Variants in EMC3 observed in about 807,000 individuals in gnomAD.
EMC3 encodes 30 kDa protein.
Under a neutral mutation model 36.6 loss-of-function variants are expected in EMC3, and 13 were observed. The observed-to-expected ratio is 0.35, with a 90% CI of 0.23 to 0.56. The LOEUF (loss-of-function observed/expected upper bound fraction) is 0.56, where lower values mean the gene tolerates loss of function less well. EMC3 is among the 20% of genes least tolerant of loss of function. The pLI, the probability that EMC3 is intolerant of heterozygous loss-of-function variation, is 0.84. For synonymous variants in EMC3, 120 were observed against 111.9 expected, an observed-to-expected ratio of 1.07 and a Z score of -0.46; for missense variants, 220 against 324.5, an observed-to-expected ratio of 0.68 and a Z score of 2.47.
intron 1 of EMC3, 93 bp from the exon 2 acceptor site, chr3:9,977,539 G>A: frequency 8.8e-7 from 1 of 1,132,672 alleles, no homozygotes. Flanking sequence ...AAACACAAGA[G>A]AGGGCCTATT....
intron 1 of EMC3, among the ~76,000 whole-genome samples, chr3:10,001,405 CAAAAAAAAAAAAA>C (rs60785369): frequency 3.8e-5 from 3 of 79,658 alleles, no homozygotes; most frequent in Admixed American, 1.4e-4. Flanking sequence ...GCTAAAAATA[CAAAAAAAAAAAAA>C]AAAAAAAAAA....
chr3:9,965,104 TAAA>T (rs56791107), intron 7 of EMC3, among the ~76,000 whole-genome samples: 1 of 106,948 alleles, frequency 9.4e-6, no homozygotes, highest in Admixed American at 9.7e-5. Flanking sequence ...AAAAATAAAT[TAAA>T]AAAAAAAAAA....
intron 5 of EMC3, among the ~76,000 whole-genome samples, chr3:9,972,889 C>T (rs542289989): frequency 1.1e-3 from 168 of 149,324 alleles, no homozygotes; most frequent in African/African-American, 4.0e-3. Flanking sequence ...AGTGCAGCAG[C>T]GCCATCTCAG....
chr3:9,978,432 T>G (rs2085873648), intron 1 of EMC3: 1 of 151,908 alleles, frequency 6.6e-6, no homozygotes, highest in Non-Finnish European at 1.5e-5. Flanking sequence ...TTCTAGGTAC[T>G]CAAAAGTTCA....
upstream of EMC3, chr3:9,987,249 C>T: frequency 3.1e-6 from 3 of 981,812 alleles, no homozygotes; most frequent in Non-Finnish European, 3.6e-6. Context: ...AAACTACAGG[C>T]GGGGACGGCT....
intron 1 of EMC3, chr3:10,008,432 T>C (rs1342487232): frequency 7.3e-7 from 1 of 1,367,580 alleles, no homozygotes; most frequent in African/African-American, 1.5e-5. Flanking sequence ...CGGGCAACCT[T>C]GGCTTGTTCA....
At chr3:10,001,347 G>T (rs189437867) in intron 1 of EMC3, among the ~76,000 whole-genome samples, 2,286 of 149,158 alleles carry the variant, frequency 0.015, 32 homozygotes, top group Non-Finnish European at 0.024. Context: ...GGATCACGAG[G>T]TCAGGAGATC....
At chr3:10,000,595 G>C in intron 1 of EMC3, 1 of 414,876 alleles carries the variant, frequency 2.4e-6, no homozygotes. Context: ...ACATAAAACA[G>C]TCATGAGACA....
At chr3:9,981,888 C>A (rs534965924) in intron 1 of EMC3, 1 of 307,746 alleles carries the variant, frequency 3.2e-6, no homozygotes, top group East Asian at 1.4e-4. Flanking sequence ...TATCCCCAAA[C>A]CTAGTCTAAT....
At chr3:10,010,025 A>C (rs1455556828) in intron 1 of EMC3, 1 of 152,442 alleles carries the variant, frequency 6.6e-6, no homozygotes, top group East Asian at 1.9e-4. Context: ...CCACCCCTGC[A>C]CCCATCACAT....
At chr3:9,992,459 A>G (rs1452277872) in intron 1 of EMC3, among the ~76,000 whole-genome samples, 2 of 152,206 alleles carry the variant, frequency 1.3e-5, no homozygotes, top group African/African-American at 4.8e-5. Context: ...TAATATTTCA[A>G]AAATTAAAAT....
intron 1 of EMC3, among the ~76,000 whole-genome samples, chr3:10,001,159 T>C (rs1205787385): frequency 6.6e-6 from 1 of 152,120 alleles, no homozygotes; most frequent in Non-Finnish European, 1.5e-5. Flanking sequence ...ATAGTGTATT[T>C]TAAGGATTTA....
rs66515277 is a variant in EMC3, at chr3:9,963,708, T to C, written c.*361A>G. ...GGCCAGGCTGATCTTGAACTCCTGA[T>C]CTCGTGACCCACCCGCCTCAGCCTC... On this transcript the variant is annotated 3_prime_UTR_variant, in exon 8 of 8. Transcript: ENST00000245046. The C allele has an allele frequency of 0.22, 37,421 of 168,618 alleles. 4,850 individuals are homozygous for C. Among genetic ancestry groups the C allele is most frequent in the African/African-American group, 0.36 (14,813 of 41,384 alleles). 10.4% of individuals were successfully genotyped at this position (168,618 alleles called of 1,614,324 possible). A position where few individuals can be genotyped will look rare whatever the true frequency, so the allele number is the denominator to read the frequency against.
intron 3 of EMC3, among the ~76,000 whole-genome samples, chr3:9,974,979 G>T (rs1299768901): frequency 6.7e-6 from 1 of 148,962 alleles, no homozygotes; most frequent in Non-Finnish European, 1.5e-5. Flanking sequence ...TCTTGCCTCA[G>T]CCTCCTAAGT....
chr3:10,000,959 T>G (rs1479502286), intron 1 of EMC3: 5 of 340,628 alleles, frequency 1.5e-5, no homozygotes, highest in African/African-American at 1.1e-4. Flanking sequence ...TTTAATTCTC[T>G]TTTTAGTCCC....
chr3:9,993,860 G>T (rs1216799323), intron 1 of EMC3, among the ~76,000 whole-genome samples: 1 of 152,190 alleles, frequency 6.6e-6, no homozygotes, highest in African/African-American at 2.4e-5. Context: ...TCCCTGGGGG[G>T]TCGTGTGATT....
At chr3:10,001,038 G>A in intron 1 of EMC3, 1 of 236,726 alleles carries the variant, frequency 4.2e-6, no homozygotes, top group African/African-American at 2.2e-5. Flanking sequence ...GTTGTTGCTT[G>A]TCCTTTTGGT....
upstream of EMC3, among the ~76,000 whole-genome samples, chr3:9,990,956 G>A (rs557473755): frequency 3.2e-4 from 48 of 152,260 alleles, no homozygotes; most frequent in African/African-American, 1.1e-3. Flanking sequence ...GGCCTCCTGA[G>A]TAGTTGGGAC....
chr3:9,978,631 A>G (rs942405746), intron 1 of EMC3, among the ~76,000 whole-genome samples: 1 of 152,082 alleles, frequency 6.6e-6, no homozygotes, highest in East Asian at 1.9e-4. Context: ...GGAGTTTGAG[A>G]CCAGCCTTGC....
Sources: gnomAD v4.1 joint callset for allele counts (sites outside exome capture counted in the v4.1 genomes callset) on GRCh38, gnomAD v4.1.1 for gene constraint, MANE v1.5 for transcripts, NCBI Gene and HGNC (gene_info 2026-07-23, HGNC 2026-07-21) for gene names.